The following NDUFAF1 variants were observed in gnomAD, a reference collection of about 807,000 sequenced individuals.
NDUFAF1 encodes NADH:ubiquinone oxidoreductase complex assembly factor 1, also known as complex I intermediate-associated protein 30, mitochondrial.
Under a neutral mutation model 28.7 loss-of-function variants are expected in NDUFAF1, and 18 were observed. The ratio of observed to expected loss-of-function variants is 0.63; its 90% CI spans 0.43 to 0.93. The LOEUF is 0.93. Ranked by LOEUF, NDUFAF1 falls within the 40% of genes least tolerant of loss-of-function variation. The pLI is 0.00. For synonymous variants in NDUFAF1, 113 were observed against 139.7 expected, an observed-to-expected ratio of 0.81 and a Z score of 1.35; for missense variants, 404 against 398.3, an observed-to-expected ratio of 1.01 and a Z score of -0.12.
At chr15:41,396,256 A>G (rs144560560) in intron 2 of NDUFAF1, among the ~76,000 whole-genome samples, 1 of 152,208 alleles carries the variant, frequency 6.6e-6, no homozygotes, top group African/African-American at 2.4e-5. Flanking sequence ...TTCCTGGCCC[A>G]AAGCAATGCG....
chr15:41,400,638 T>C (rs2050449476), intron 1 of NDUFAF1, among the ~76,000 whole-genome samples: 1 of 149,156 alleles, frequency 6.7e-6, no homozygotes, highest in Non-Finnish European at 1.5e-5. Context: ...TTCTCCTGCC[T>C]CAGCCTCGCG....
At chr15:41,389,754 A>T (rs1265507974) in intron 3 of NDUFAF1, among the ~76,000 whole-genome samples, 1 of 152,022 alleles carries the variant, frequency 6.6e-6, no homozygotes, top group East Asian at 1.9e-4. Context: ...AACAGAAGAG[A>T]GACCCTGTCT....
At chr15:41,395,422 T>G (rs2050372470) in intron 2 of NDUFAF1, among the ~76,000 whole-genome samples, 1 of 151,082 alleles carries the variant, frequency 6.6e-6, no homozygotes, top group East Asian at 2.0e-4. Flanking sequence ...CAGGCTGGAG[T>G]GCAGTGGTGC....
At chr15:41,398,168 C>T (rs938812287) in intron 1 of NDUFAF1, among the ~76,000 whole-genome samples, 2 of 151,322 alleles carry the variant, frequency 1.3e-5, no homozygotes, top group East Asian at 1.9e-4. Flanking sequence ...GCACTGTCCC[C>T]GGCCTTTTTT....
At chr15:41,388,333 TG>T in intron 4 of NDUFAF1, 114 bp downstream of exon 4, 1 of 829,964 alleles carries the variant, frequency 1.2e-6, no homozygotes, top group Non-Finnish European at 2.0e-6. Flanking sequence ...ATAAGAGCAG[TG>T]GCCCTGAGAA....
intron 3 of NDUFAF1, among the ~76,000 whole-genome samples, chr15:41,390,892 C>T (rs1310034140): frequency 6.7e-6 from 1 of 149,952 alleles, no homozygotes; most frequent in South Asian, 2.1e-4. Context: ...ATTAGCTGGG[C>T]GTGGTGGTGG....
chr15:41,401,091 G>C lies in NDUFAF1; in HGVS notation c.-82+1053C>G, dbSNP rs550858392. On this transcript the variant is annotated intron_variant, in intron 1 of 4. Coordinates refer to ENST00000260361, the MANE Select transcript of NDUFAF1 (RefSeq NM_016013.4). ...TTGTCTCAGCCTCCTGAATAGCTGG[G>C]ATTACAGGCGGGCGCCACCATGCCC... Among the ~76,000 whole-genome samples the C allele has an allele frequency of 4.6e-5, 7 of 150,804 alleles. No individual in the cohort carries two copies. The East Asian group carries it at 1.2e-3, about 26-fold the overall frequency.
In NDUFAF1 at chr15:41,396,659, T is replaced by A; in HGVS notation, c.401A>T (p.Asp134Val). ...CTTATCAGAAGTCACTGTCCACTTA[T>A]CCAAATCTTCTTTCCCCCGGAATTG... ...VWQFRGKEDLDKWTVTSDKTI... is the reference protein window; with the variant it reads ...VWQFRGKEDLVKWTVTSDKTI... Residue 134 changes from aspartate (D) to valine (V), a missense_variant, in exon 2 of 5, where the codon GAT becomes GTT. By Grantham distance (152) the Asp-to-Val change is radical. Transcript: ENST00000260361. The A allele has an allele frequency of 1.9e-6, 3 of 1,614,170 alleles. No homozygotes were observed. The highest frequency in any genetic ancestry group is 2.5e-6 in the Non-Finnish European group (3 of 1,180,042).
At chr15:41,388,209 G>C (rs1263649635) in intron 4 of NDUFAF1, among the ~76,000 whole-genome samples, 1 of 152,106 alleles carries the variant, frequency 6.6e-6, no homozygotes, top group Admixed American at 6.6e-5. Context: ...AGAGAAGGGA[G>C]GGGGGAAAAT....
At chr15:41,389,866 A>C (rs1380714385) in intron 3 of NDUFAF1, among the ~76,000 whole-genome samples, 1 of 152,210 alleles carries the variant, frequency 6.6e-6, no homozygotes, top group Non-Finnish European at 1.5e-5. Context: ...CTATGAAAAT[A>C]GTTAAGGATG....
intron 1 of NDUFAF1, among the ~76,000 whole-genome samples, chr15:41,398,998 G>A (rs796230392): frequency 3.3e-5 from 5 of 150,390 alleles, no homozygotes; most frequent in African/African-American, 1.2e-4. Flanking sequence ...CGCCACAGTG[G>A]CTCACACCTG....
chr15:41,402,164 A>G lies in NDUFAF1; in HGVS notation c.-102T>C, dbSNP rs768241117. On this transcript the variant is annotated 5_prime_UTR_variant, in exon 1 of 5. Transcript: ENST00000260361. The stretch of plus-strand genomic sequence containing the variant: ...CTTACCATGTGCCAGAAACTGCTCT[A>G]AGTGTTTCACTGACGGCTCACAACA... The G allele has an allele frequency of 2.2e-6, 1 of 453,358 alleles. No individual in the cohort carries two copies. The highest frequency in any genetic ancestry group is 1.6e-5 in the South Asian group (1 of 64,478). 28.1% of individuals were successfully genotyped at this position (453,358 alleles called of 1,614,324 possible). A position where few individuals can be genotyped will look rare whatever the true frequency, so the allele number is the denominator to read the frequency against.
chr15:41,389,884 CAG>C (rs1407013269), intron 3 of NDUFAF1, among the ~76,000 whole-genome samples: 11 of 152,104 alleles, frequency 7.2e-5, no homozygotes, highest in Non-Finnish European at 1.6e-4. Flanking sequence ...ATGTTTACCT[CAG>C]AGTTTGTTCC....
intron 3 of NDUFAF1, chr15:41,394,335 G>T (rs1029429971): frequency 1.6e-6 from 2 of 1,287,900 alleles, no homozygotes; most frequent in African/African-American, 3.0e-5. Context: ...CGCAGGCCTA[G>T]GACACCAACT....
At chr15:41,392,191 G>C (rs1158799757) in intron 3 of NDUFAF1, among the ~76,000 whole-genome samples, 2 of 150,770 alleles carry the variant, frequency 1.3e-5, no homozygotes, top group African/African-American at 4.9e-5. Flanking sequence ...TCCTGCCTCA[G>C]CCTCCTGAGG....
intron 1 of NDUFAF1, among the ~76,000 whole-genome samples, chr15:41,399,624 G>A (rs1294044415): frequency 3.3e-5 from 5 of 151,710 alleles, no homozygotes; most frequent in African/African-American, 4.8e-5. Flanking sequence ...GGAGGCGGAG[G>A]CGGGCGGATC....
intron 3 of NDUFAF1, among the ~76,000 whole-genome samples, chr15:41,390,806 G>A (rs946041459): frequency 1.3e-5 from 2 of 151,992 alleles, no homozygotes; most frequent in Admixed American, 6.6e-5. Context: ...GCCGAGGTGG[G>A]CGGATCATGA....
rs2050399689 is a variant in NDUFAF1, at chr15:41,397,078, TGTAA to T, written c.-23_-20del. ...AAGCCATGGTACAAAAAAATCAAAATGTAAGTTTCTTCCTGGGCTAGCAAGGGCC... is the reference window on the plus strand; with the variant it reads ...AAGCCATGGTACAAAAAAATCAAAATGTTTCTTCCTGGGCTAGCAAGGGCC... On this transcript the variant is annotated 5_prime_UTR_variant, in exon 2 of 5. Coordinates refer to ENST00000260361, the MANE Select transcript of NDUFAF1 (RefSeq NM_016013.4). The T allele has an allele frequency of 6.2e-7, 1 of 1,611,298 alleles. No homozygotes were observed. The highest frequency in any genetic ancestry group is 1.3e-5 in the African/African-American group (1 of 74,822).
In NDUFAF1 at chr15:41,396,828, G is replaced by C; in HGVS notation, c.232C>G (p.Pro78Ala). 2 of 1,614,042 alleles carry C rather than the reference G, an allele frequency of 1.2e-6. No homozygotes were observed. Among genetic ancestry groups the C allele is most frequent in the Non-Finnish European group, 1.7e-6 (2 of 1,180,016 alleles). Residue 78 changes from proline (P) to alanine (A), a missense_variant, in exon 2 of 5, where the codon CCT (proline) becomes GCT (alanine). Pro to Ala is a conservative substitution (Grantham distance 27). Transcript: ENST00000260361. ...ALDITSSEEK[P>A]DVSFDKAIRD... ...ATTGCTTTATCGAAACTAACATCAG[G>C]CTTCTCCTCAGAAGAAGTTATATCC...
Sources: allele counts gnomAD v4.1 joint callset (sites outside exome capture counted in the v4.1 genomes callset), GRCh38; gene constraint gnomAD v4.1.1; transcripts MANE v1.5; gene names NCBI Gene and HGNC (gene_info 2026-07-23, HGNC 2026-07-21).